The following FNDC3A variants were observed in gnomAD, a reference collection of about 807,000 sequenced individuals.
The protein encoded by FNDC3A is fibronectin type III domain containing 3A.
FNDC3A carries 32 observed loss-of-function variants against 148.9 expected under a neutral mutation model. The ratio of observed to expected loss-of-function variants is 0.21; its 90% CI spans 0.16 to 0.29. The LOEUF is 0.29. Ranked by LOEUF, FNDC3A falls within the 10% of genes least tolerant of loss-of-function variation. FNDC3A has a pLI of 1.00. For missense variants in FNDC3A, 1,191 were observed against 1,452.8 expected (o/e 0.82, Z 2.93); for synonymous variants, 472 against 473.6 (o/e 1.00, Z 0.04).
At chr13:49,158,195 C>T (rs997119418) in intron 8 of FNDC3A, among the ~76,000 whole-genome samples, 13 of 152,284 alleles carry the variant, frequency 8.5e-5, no homozygotes, top group Middle Eastern at 3.4e-3. Flanking sequence ...TAGGACCCTC[C>T]GAGCCAGGTG....
intron 8 of FNDC3A, among the ~76,000 whole-genome samples, chr13:49,163,380 G>C (rs1484252789): frequency 6.6e-6 from 1 of 152,174 alleles, no homozygotes; most frequent in Admixed American, 6.5e-5. Context: ...CTGGCAGTTC[G>C]ATCTCAGACT....
chr13:49,011,599 T>C (rs1382268611), intron 2 of FNDC3A, among the ~76,000 whole-genome samples: 1 of 152,104 alleles, frequency 6.6e-6, no homozygotes, highest in Admixed American at 6.6e-5. Context: ...GTTCTTTTCT[T>C]CTAGAGTTAG....
chr13:49,103,180 A>G (rs1879965960), intron 3 of FNDC3A, among the ~76,000 whole-genome samples: 1 of 152,230 alleles, frequency 6.6e-6, no homozygotes, highest in Admixed American at 6.5e-5. Context: ...GAAAGGTCTC[A>G]CAGCTATAAG....
At chr13:49,058,147 G>A (rs1332418975) in intron 2 of FNDC3A, among the ~76,000 whole-genome samples, 2 of 152,222 alleles carry the variant, frequency 1.3e-5, no homozygotes, top group East Asian at 1.9e-4. Flanking sequence ...CAAGATTCAC[G>A]TCTCCAACAA....
chr13:49,025,031 C>T (rs889693007), intron 2 of FNDC3A, among the ~76,000 whole-genome samples: 14 of 151,962 alleles, frequency 9.2e-5, no homozygotes, highest in Non-Finnish European at 1.8e-4. Flanking sequence ...TTTGTGCTTG[C>T]TCCACATAGA....
At chr13:49,002,715 T>C (rs1952147275) in intron 1 of FNDC3A, among the ~76,000 whole-genome samples, 1 of 152,250 alleles carries the variant, frequency 6.6e-6, no homozygotes. Context: ...TGTATTCTTT[T>C]GTGTGTTTTT....
intron 2 of FNDC3A, among the ~76,000 whole-genome samples, chr13:49,032,266 A>G (rs1250608743): frequency 6.7e-6 from 1 of 150,242 alleles, no homozygotes; most frequent in Non-Finnish European, 1.5e-5. Flanking sequence ...TTACCCTATG[A>G]CCCAGTAATT....
At chr13:49,189,812 CA>C (rs537663185) in intron 17 of FNDC3A, among the ~76,000 whole-genome samples, 1,789 of 152,174 alleles carry the variant, frequency 0.012, 17 homozygotes, top group Non-Finnish European at 0.019. Context: ...AAAAGATGAC[CA>C]AATATTTTGT....
chr13:49,020,307 A>T (rs1385687550), intron 2 of FNDC3A, among the ~76,000 whole-genome samples: 1 of 152,230 alleles, frequency 6.6e-6, no homozygotes, highest in Non-Finnish European at 1.5e-5. Flanking sequence ...TTAAGGAGGT[A>T]AAATTGGTGA....
chr13:49,013,941 A>G lies in FNDC3A; in HGVS notation c.99+7652A>G, dbSNP rs1384708875. On this transcript the variant is annotated intron_variant, in intron 2 of 25. Coordinates refer to ENST00000492622, the MANE Select transcript of FNDC3A (RefSeq NM_001079673.2). ...AGGACATGAACTCATCATTTTTTAT[A>G]GCTGCATAGTATTCCATGGTGTATA... Among the ~76,000 whole-genome samples, 494 of 151,634 alleles carry G rather than the reference A, an allele frequency of 3.3e-3. 2 individuals carry two copies. The highest frequency in any genetic ancestry group is 5.5e-3 in the African/African-American group (225 of 41,278).
At chr13:49,113,272 C>G (rs1056690727) in intron 3 of FNDC3A, among the ~76,000 whole-genome samples, 1 of 147,834 alleles carries the variant, frequency 6.8e-6, no homozygotes, top group Non-Finnish European at 1.5e-5. Context: ...CTTTTTTCCT[C>G]CACTTTCCCC....
At chr13:49,134,912 G>A (rs1250556284) in intron 5 of FNDC3A, among the ~76,000 whole-genome samples, 2 of 117,790 alleles carry the variant, frequency 1.7e-5, no homozygotes, top group Non-Finnish European at 3.2e-5. Context: ...GCAGTGGCAT[G>A]ATCTCGGCTC....
rs1335982189 is a variant in FNDC3A at position 49,131,180 on chromosome 13, A to G, written c.296A>G (p.Gln99Arg). The change falls in exon 5 of 26, where the codon CAG (glutamine) becomes CGG (arginine). Residue 99 changes from glutamine to arginine, a missense_variant. Coordinates refer to ENST00000492622, the MANE Select transcript of FNDC3A (RefSeq NM_001079673.2). ...GTTCGAAGAGTTGTCGTGGTCCCTC[A>G]GGCACCAGAGTTTCACCCTGGTAGT... ...NGVRRVVVVP[Q>R]APEFHPGSHT... The G allele has an allele frequency of 1.2e-6, 2 of 1,613,920 alleles. No homozygotes were observed. Among genetic ancestry groups the G allele is most frequent in the Admixed American group, 3.3e-5 (2 of 59,996 alleles).
chr13:49,159,565 C>T (rs1883955486), intron 8 of FNDC3A, among the ~76,000 whole-genome samples: 1 of 152,178 alleles, frequency 6.6e-6, no homozygotes, highest in Non-Finnish European at 1.5e-5. Flanking sequence ...CATCTGCAGA[C>T]AGGGACAATT....
Position 49,008,384 on chromosome 13 carries a change from C to G in FNDC3A, c.99+2095C>G, listed in dbSNP as rs1196095432. Among the ~76,000 whole-genome samples the G allele has an allele frequency of 3.3e-5, 5 of 152,166 alleles. No individual in the cohort carries two copies. In the East Asian group the frequency reaches 9.6e-4, roughly 29 times the overall value. On this transcript the variant is annotated intron_variant, in intron 2 of 25. Transcript: ENST00000492622. ...AACTTATTGATACGCCAAGTTATAGCTTACCTATGGAGATATGACACAACT... is the reference window on the plus strand; with the variant it reads ...AACTTATTGATACGCCAAGTTATAGGTTACCTATGGAGATATGACACAACT...
At chr13:49,179,555 T>G (rs1354215113) in intron 14 of FNDC3A, among the ~76,000 whole-genome samples, 1 of 152,194 alleles carries the variant, frequency 6.6e-6, no homozygotes, top group East Asian at 1.9e-4. Context: ...CAAGTGGTGA[T>G]TTTTAAAATT....
chr13:49,045,371 C>G (rs1282211727), intron 2 of FNDC3A: 1 of 158,334 alleles, frequency 6.3e-6, no homozygotes, highest in African/African-American at 2.4e-5. Context: ...CCAGGTTGGT[C>G]TCAAACTCCT....
intron 1 of FNDC3A, among the ~76,000 whole-genome samples, chr13:48,978,666 GT>G (rs1038862955): frequency 5.3e-5 from 8 of 151,326 alleles, no homozygotes; most frequent in South Asian, 2.1e-4. Flanking sequence ...GTTTGCTTTT[GT>G]TTTTTTTGTT....
At chr13:49,034,373 A>G (rs1439734948) in intron 2 of FNDC3A, among the ~76,000 whole-genome samples, 2 of 152,044 alleles carry the variant, frequency 1.3e-5, no homozygotes, top group East Asian at 3.8e-4. Flanking sequence ...TGTTAGTATC[A>G]TTGAAATGAC....
Sources: gnomAD v4.1 joint callset for allele counts (sites outside exome capture counted in the v4.1 genomes callset) on GRCh38, gnomAD v4.1.1 for gene constraint, MANE v1.5 for transcripts, NCBI Gene and HGNC (gene_info 2026-07-23, HGNC 2026-07-21) for gene names.